Variants in LCOR observed in about 807,000 individuals in gnomAD.
The protein encoded by LCOR is ligand-dependent corepressor.
Under a neutral mutation model 64.4 loss-of-function variants are expected in LCOR, and 14 were observed. That is an observed-to-expected ratio of 0.22 (90% CI 0.14 to 0.34). LCOR has a LOEUF of 0.34. Ranked by LOEUF, LCOR falls within the 10% of genes least tolerant of loss-of-function variation. The pLI is 1.00. For synonymous variants in LCOR, 643 were observed against 642.5 expected, an observed-to-expected ratio of 1.00 and a Z score of -0.01; for missense variants, 1,686 against 1,765.3, an observed-to-expected ratio of 0.96 and a Z score of 0.80.
At chr10:96,956,579 G>A in intron 7 of LCOR, 1 of 985,584 alleles carries the variant, frequency 1.0e-6, no homozygotes, top group Non-Finnish European at 1.2e-6. Context: ...CACCCAGAGG[G>A]GAAGGTGGTG....
chr10:96,878,341 G>A (rs769725995), intron 2 of LCOR, among the ~76,000 whole-genome samples: 11 of 152,212 alleles, frequency 7.2e-5, no homozygotes, highest in South Asian at 2.1e-4. Flanking sequence ...ATCAATCCAG[G>A]TGAGAGATGA....
intron 7 of LCOR, among the ~76,000 whole-genome samples, chr10:96,967,781 T>C (rs1418762709): frequency 6.6e-6 from 1 of 152,236 alleles, no homozygotes. Context: ...ATGAAGTGTG[T>C]ATGAATGTGA....
At chr10:96,857,355 A>G (rs548648721) in intron 2 of LCOR, among the ~76,000 whole-genome samples, 1 of 152,304 alleles carries the variant, frequency 6.6e-6, no homozygotes, top group African/African-American at 2.4e-5. Flanking sequence ...CCAGTATGCC[A>G]TTATCCCATG....
rs1003395542 is a variant in LCOR at position 96,952,713 on chromosome 10, C to T, written c.332+517C>T. On this transcript the variant is annotated intron_variant, in intron 7 of 7. Transcript: ENST00000421806. Reference sequence around the variant, plus strand: ...GCATAACCATCTTAGGCTACCAAGACATTATTACTTGCTCAGTTTTGATAA... The same window carrying T: ...GCATAACCATCTTAGGCTACCAAGATATTATTACTTGCTCAGTTTTGATAA... Among the ~76,000 whole-genome samples the T allele has an allele frequency of 4.6e-5, 7 of 152,238 alleles. No individual in the cohort carries two copies. In the East Asian group the frequency reaches 1.3e-3, roughly 29 times the overall value.
intron 2 of LCOR, among the ~76,000 whole-genome samples, chr10:96,867,239 C>G (rs377474220): frequency 6.6e-6 from 1 of 152,130 alleles, no homozygotes; most frequent in African/African-American, 2.4e-5. Flanking sequence ...GTGATCCACC[C>G]GTCTCCGCCT....
At position 96,920,485 on chromosome 10, in the gene LCOR, T is replaced by C. The variant is rs1215000921; in HGVS notation, c.-184+12738T>C. ...TCATATATGTGTATATATATGTATATTCATATATATGTGTATATATGTATG... is the reference window on the plus strand; with the variant it reads ...TCATATATGTGTATATATATGTATACTCATATATATGTGTATATATGTATG... On this transcript the variant is annotated intron_variant, in intron 4 of 7. Coordinates refer to ENST00000421806, the MANE Select transcript of LCOR (RefSeq NM_001346516.2). 3.4e-5 allele frequency among the ~76,000 whole-genome samples: 5 copies of C among 145,608 alleles called. No homozygotes were observed. The East Asian group carries it at 9.7e-4, about 28-fold the overall frequency.
intron 7 of LCOR, among the ~76,000 whole-genome samples, chr10:96,954,020 ATTGT>A (rs1847724511): frequency 6.6e-6 from 1 of 152,192 alleles, no homozygotes; most frequent in African/African-American, 2.4e-5. Context: ...CTTTTTAAAC[ATTGT>A]TTGAAAGCCG....
chr10:96,891,942 G>C (rs977559225), intron 2 of LCOR, among the ~76,000 whole-genome samples: 3 of 152,110 alleles, frequency 2.0e-5, no homozygotes, highest in African/African-American at 7.2e-5. Context: ...TAACTTCATT[G>C]CATTGTGGTT....
chr10:96,966,970 A>C (rs1198313828), intron 7 of LCOR, among the ~76,000 whole-genome samples: 3 of 152,182 alleles, frequency 2.0e-5, no homozygotes, highest in African/African-American at 7.2e-5. Flanking sequence ...TCCTGAGCAC[A>C]AGTGATTTCT....
At chr10:96,953,721 G>A (rs1382982773) in intron 7 of LCOR, among the ~76,000 whole-genome samples, 3 of 152,180 alleles carry the variant, frequency 2.0e-5, no homozygotes, top group African/African-American at 7.2e-5. Flanking sequence ...CCCTCTGAAT[G>A]GAAAGTGTTT....
intron 7 of LCOR, among the ~76,000 whole-genome samples, chr10:96,965,519 G>A (rs1274463225): frequency 6.7e-6 from 1 of 150,312 alleles, no homozygotes; most frequent in South Asian, 2.1e-4. Context: ...AAAATTAGCC[G>A]GGCGTGGTGG....
At chr10:96,846,333 C>T (rs1465173871) in intron 2 of LCOR, among the ~76,000 whole-genome samples, 1 of 152,002 alleles carries the variant, frequency 6.6e-6, no homozygotes. Flanking sequence ...AGGCTCACTG[C>T]AGTTTTAGCC....
chr10:96,868,431 C>T (rs1429607384), intron 2 of LCOR, among the ~76,000 whole-genome samples: 1 of 151,472 alleles, frequency 6.6e-6, no homozygotes, highest in East Asian at 1.9e-4. Context: ...CATGCCACCA[C>T]CCCCGGCTAA....
At position 96,894,675 on chromosome 10, in the gene LCOR, G is replaced by C. The variant is rs73318685; in HGVS notation, c.-329-12590G>C. On this transcript the variant is annotated intron_variant, in intron 2 of 7. Transcript: ENST00000421806. ...CTAATATATCCTTCAATTGGGGCCA[G>C]ACTGAGGGTTTATCTTTTGTACTGC... Among the ~76,000 whole-genome samples the C allele has an allele frequency of 7.1e-3, 1,081 of 152,296 alleles. 19 individuals carry two copies. The highest frequency in any genetic ancestry group is 0.025 in the African/African-American group (1,038 of 41,556).
At chr10:96,920,554 A>G (rs1259354205) in intron 4 of LCOR, among the ~76,000 whole-genome samples, 1 of 147,074 alleles carries the variant, frequency 6.8e-6, no homozygotes, top group East Asian at 2.0e-4. Flanking sequence ...ATTCATATAT[A>G]TGTGTATATA....
rs1324016155 is a variant in LCOR, at chr10:96,833,599, GGT to G, written c.-330+126_-330+127del. The G allele has an allele frequency of 1.7e-5, 5 of 294,490 alleles. No homozygotes were observed. In the East Asian group the frequency reaches 8.6e-4, roughly 51 times the overall value. The allele number at this position is 294,490 out of a possible 1,614,324, so 18.2% of individuals were successfully genotyped here. On this transcript the variant is annotated intron_variant, in intron 2 of 7. Transcript: ENST00000421806. The stretch of plus-strand genomic sequence containing the variant: ...TCCCCGTCTTTGCTTCGGTGCTGCT[GGT>G]GTGTGGGGAGATGCCCTCTCGTCGT...
At chr10:96,923,550 T>C (rs1042458258) in intron 4 of LCOR, among the ~76,000 whole-genome samples, 9 of 152,184 alleles carry the variant, frequency 5.9e-5, no homozygotes, top group Non-Finnish European at 1.2e-4. Context: ...GTAAGCATCC[T>C]CCTCCTTTAA....
chr10:96,887,282 C>T (rs953197546), intron 2 of LCOR, among the ~76,000 whole-genome samples: 3 of 152,124 alleles, frequency 2.0e-5, no homozygotes, highest in Admixed American at 2.0e-4. Flanking sequence ...AAATATACTA[C>T]TTTGGCCGGG....
intron 4 of LCOR, among the ~76,000 whole-genome samples, chr10:96,933,073 A>G (rs1261943479): frequency 6.6e-6 from 1 of 152,236 alleles, no homozygotes; most frequent in Non-Finnish European, 1.5e-5. Flanking sequence ...ATATGTAACA[A>G]TGTAAGAAAG....
Sources: allele counts gnomAD v4.1 joint callset (sites outside exome capture counted in the v4.1 genomes callset), GRCh38; gene constraint gnomAD v4.1.1; transcripts MANE v1.5; gene names NCBI Gene and HGNC (gene_info 2026-07-23, HGNC 2026-07-21).